The following PEX11G variants were observed in gnomAD, a reference collection of about 807,000 sequenced individuals.
PEX11G encodes peroxisomal membrane protein 11C.
A neutral mutation model predicts 22.5 loss-of-function variants in PEX11G; 20 were observed. That is an observed-to-expected ratio of 0.89 (90% CI 0.62 to 1.29). PEX11G has a LOEUF of 1.29. PEX11G is among the 50% of genes most tolerant of loss of function. The probability of loss-of-function intolerance (pLI) is 0.00; values close to 1 mark genes in which losing one functional copy is unlikely to be tolerated. For synonymous variants in PEX11G, 141 were observed against 154.5 expected, an observed-to-expected ratio of 0.91 and a Z score of 0.65; for missense variants, 347 against 331.3, an observed-to-expected ratio of 1.05 and a Z score of -0.37.
upstream of PEX11G, among the ~76,000 whole-genome samples, chr19:7,493,934 G>A (rs2021934257): frequency 6.7e-6 from 1 of 148,378 alleles, no homozygotes; most frequent in South Asian, 2.1e-4. Context: ...TAGAGTCAGA[G>A]TCTCGCTCTG....
intron 3 of PEX11G, among the ~76,000 whole-genome samples, chr19:7,479,486 G>A (rs921169816): frequency 5.3e-5 from 8 of 152,132 alleles, no homozygotes; most frequent in Admixed American, 5.2e-4. Context: ...TGTGTCTCAA[G>A]AAAAGAATCA....
intron 1 of PEX11G, 26 bp downstream of exon 1, chr19:7,488,925 C>G: frequency 1.3e-6 from 2 of 1,547,954 alleles, no homozygotes; most frequent in South Asian, 1.2e-5. Flanking sequence ...TCTAGGACCT[C>G]CGGCCCCGGT....
chr19:7,477,505 C>T lies in PEX11G; in HGVS notation c.492-69G>A, dbSNP rs553896874. On this transcript the variant is annotated intron_variant, in intron 4 of 4. Coordinates refer to ENST00000221480, the MANE Select transcript of PEX11G (RefSeq NM_080662.4). ...CCTGCCCTTCCCAAGCCCCTGAATG[C>T]CCTGTGTGGCCTGGCAGCCCTGAGC... 7.7e-4 allele frequency: 979 copies of T among 1,263,692 alleles called. 2 individuals are homozygous for T. The highest frequency in any genetic ancestry group is 9.5e-4 in the Non-Finnish European group (924 of 971,276). 78.3% of individuals were successfully genotyped at this position (1,263,692 alleles called of 1,614,324 possible). A position where few individuals can be genotyped will look rare whatever the true frequency, so the allele number is the denominator to read the frequency against.
upstream of PEX11G, chr19:7,489,423 C>G: frequency 9.9e-7 from 1 of 1,008,170 alleles, no homozygotes; most frequent in Non-Finnish European, 1.2e-6. Context: ...TCTGCCTGCC[C>G]GTAGTGAGCA....
chr19:7,489,084 G>GC (rs2021807034), upstream of PEX11G: 2 of 1,388,348 alleles, frequency 1.4e-6, no homozygotes. Flanking sequence ...TACCGGGAGC[G>GC]CCCCAAAGGC....
chr19:7,479,320 C>A (rs1977382313), intron 3 of PEX11G, among the ~76,000 whole-genome samples: 1 of 152,134 alleles, frequency 6.6e-6, no homozygotes, highest in South Asian at 2.1e-4. Context: ...CCTGTCTCTA[C>A]TAAAAATACA....
chr19:7,488,742 C>T (rs2021776731), intron 1 of PEX11G, among the ~76,000 whole-genome samples: 1 of 152,214 alleles, frequency 6.6e-6, no homozygotes, highest in South Asian at 2.1e-4. Flanking sequence ...GCGGAGGCTG[C>T]AGTGAGCAGA....
At chr19:7,483,753 T>C (rs963305228) in intron 2 of PEX11G, among the ~76,000 whole-genome samples, 7 of 152,034 alleles carry the variant, frequency 4.6e-5, no homozygotes, top group Non-Finnish European at 8.8e-5. Flanking sequence ...GAGTAGCAAG[T>C]GGCTCAGAGA....
At chr19:7,482,878 G>C (rs929170934) in intron 2 of PEX11G, among the ~76,000 whole-genome samples, 1 of 152,216 alleles carries the variant, frequency 6.6e-6, no homozygotes, top group Admixed American at 6.5e-5. Context: ...GGCAGGGATG[G>C]GCCTCCAGGC....
At chr19:7,487,596 T>C (rs1364557458) in intron 1 of PEX11G, among the ~76,000 whole-genome samples, 1 of 152,100 alleles carries the variant, frequency 6.6e-6, no homozygotes, top group Non-Finnish European at 1.5e-5. Context: ...CTAATTTTTG[T>C]ATTTTAGTAG....
At chr19:7,486,143 T>G (rs2021646270) in intron 1 of PEX11G, 117 bp from the exon 2 acceptor site, 6 of 919,000 alleles carry the variant, frequency 6.5e-6, no homozygotes, top group Non-Finnish European at 9.4e-6. Context: ...TCTCTTTTTT[T>G]TTTGAAAGAG....
chr19:7,477,483 G>A (rs1238949041), intron 4 of PEX11G, 47 bp from the exon 5 acceptor site: 2 of 1,352,206 alleles, frequency 1.5e-6, no homozygotes, highest in East Asian at 5.9e-5. Flanking sequence ...ACACCTGCCT[G>A]CCCTTCCCAA....
chr19:7,489,246 C>T, upstream of PEX11G: 1 of 1,230,096 alleles, frequency 8.1e-7, no homozygotes, highest in Non-Finnish European at 1.0e-6. Context: ...CTGCATTCTG[C>T]CCCACGGCGG....
chr19:7,484,079 G>A (rs987232645), intron 2 of PEX11G, among the ~76,000 whole-genome samples: 10 of 152,234 alleles, frequency 6.6e-5, no homozygotes, highest in African/African-American at 1.4e-4. Context: ...TCTGTGGCCA[G>A]GCGCGGTGGC....
At chr19:7,494,471 T>C (rs2021943237) in intron 1 of PEX11G, among the ~76,000 whole-genome samples, 2 of 152,218 alleles carry the variant, frequency 1.3e-5, no homozygotes, top group Non-Finnish European at 2.9e-5. Flanking sequence ...AGCCTGCTGC[T>C]GCATGAATAA....
Position 7,487,772 on chromosome 19 carries a change from GTTTTA to G in PEX11G, c.60+1174_60+1178del, listed in dbSNP as rs1391331217. On this transcript the variant is annotated intron_variant, in intron 1 of 4. Coordinates refer to ENST00000221480, the MANE Select transcript of PEX11G (RefSeq NM_080662.4). ...TTTTCAGAAATTGCTTGTTCCTGTT[GTTTTA>G]TTTATTTTTACTTGTAATTCCTTTC... Among the ~76,000 whole-genome samples the G allele has an allele frequency of 2.0e-5, 3 of 152,192 alleles. No individual in the cohort carries two copies. In the East Asian group the frequency reaches 5.8e-4, roughly 29 times the overall value.
Position 7,494,976 on chromosome 19 carries a change from TTTCC to T in PEX11G, c.-457+2423_-457+2426del, listed in dbSNP as rs201721509. 7.8e-3 allele frequency among the ~76,000 whole-genome samples: 1,176 copies of T among 151,462 alleles called. 13 individuals carry two copies. Among genetic ancestry groups the T allele is most frequent in the African/African-American group, 0.027 (1,101 of 41,266 alleles). ...GTCTTCTGACTTCTTTCTTTCTTTC[TTTCC>T]TTCCTTCCTTCCCTCCTTCCCCTCC... On this transcript the variant is annotated intron_variant, in intron 1 of 6. Coordinates refer to the PEX11G transcript ENST00000593942.
At chr19:7,489,830 T>C (rs1264155426), upstream of PEX11G, among the ~76,000 whole-genome samples, 1 of 151,626 alleles carries the variant, frequency 6.6e-6, no homozygotes, top group African/African-American at 2.4e-5. Flanking sequence ...GGGACACCTT[T>C]AGACTCTTGT....
chr19:7,489,450 T>C (rs2021825555), upstream of PEX11G: 3 of 995,786 alleles, frequency 3.0e-6, no homozygotes, highest in Middle Eastern at 5.1e-4. Context: ...ACTGCTGTAA[T>C]ATCACAACAA....
Sources: allele counts gnomAD v4.1 joint callset (sites outside exome capture counted in the v4.1 genomes callset), GRCh38; gene constraint gnomAD v4.1.1; transcripts MANE v1.5; gene names NCBI Gene and HGNC (gene_info 2026-07-23, HGNC 2026-07-21).